The following ADAMTS17 variants were observed in gnomAD, a reference collection of about 807,000 sequenced individuals.
ADAMTS17 encodes the protein ADAM metallopeptidase with thrombospondin type 1 motif 17.
A neutral mutation model predicts 141.5 loss-of-function variants in ADAMTS17; 113 were observed. The ratio of observed to expected loss-of-function variants is 0.80; its 90% CI spans 0.69 to 0.93. The LOEUF is 0.93. ADAMTS17 is among the 40% of genes least tolerant of loss of function. ADAMTS17 has a pLI of 0.00. For missense variants in ADAMTS17, 1,659 were observed against 1,517.9 expected (o/e 1.09, Z -1.54); for synonymous variants, 768 against 630.6 (o/e 1.22, Z -3.27).
At chr15:100,011,204 G>A (rs112197173) in intron 18 of ADAMTS17, among the ~76,000 whole-genome samples, 177 of 132,206 alleles carry the variant, frequency 1.3e-3, no homozygotes, top group African/African-American at 4.9e-3. Flanking sequence ...ATGTTTTCCT[G>A]AAAAAATTCT....
intron 15 of ADAMTS17, among the ~76,000 whole-genome samples, chr15:100,082,766 C>CTT (rs71151935): frequency 0.17 from 20,490 of 122,854 alleles, 2,079 homozygotes; most frequent in East Asian, 0.52. Context: ...TCTCGTTAGT[C>CTT]TTTTTTTTTT....
intron 15 of ADAMTS17, among the ~76,000 whole-genome samples, chr15:100,062,554 G>A (rs1011695820): frequency 6.6e-6 from 1 of 152,150 alleles, no homozygotes; most frequent in Non-Finnish European, 1.5e-5. Flanking sequence ...CTCAAGCAGA[G>A]ACCATTTCAA....
chr15:100,290,497 G>GA (rs1423318621), intron 3 of ADAMTS17, among the ~76,000 whole-genome samples: 2 of 152,052 alleles, frequency 1.3e-5, no homozygotes, highest in East Asian at 3.8e-4. Context: ...CACAGGATTA[G>GA]AAAAAAACTA....
chr15:100,265,659 T>C (rs1232600813), intron 4 of ADAMTS17, among the ~76,000 whole-genome samples: 1 of 152,162 alleles, frequency 6.6e-6, no homozygotes, highest in Non-Finnish European at 1.5e-5. Flanking sequence ...CAGGCTGGGC[T>C]TCACAAGGGC....
chr15:100,159,470 T>C (rs745746457), intron 8 of ADAMTS17, among the ~76,000 whole-genome samples: 7 of 152,244 alleles, frequency 4.6e-5, no homozygotes, highest in Non-Finnish European at 1.0e-4. Flanking sequence ...GTCAACTATC[T>C]TAAATTTGAC....
At chr15:99,988,523 T>C (rs931891947) in intron 20 of ADAMTS17, among the ~76,000 whole-genome samples, 1 of 152,174 alleles carries the variant, frequency 6.6e-6, no homozygotes, top group East Asian at 1.9e-4. Context: ...TTCACAGCAA[T>C]GCAAAGTAGA....
Position 99,997,672 on chromosome 15 carries a change from T to C in ADAMTS17, c.2592-83A>G, listed in dbSNP as rs1471715234. The C allele has an allele frequency of 5.8e-6, 9 of 1,564,082 alleles. No individual in the cohort carries two copies. The highest frequency in any genetic ancestry group is 7.9e-6 in the Non-Finnish European group (9 of 1,141,622). The stretch of plus-strand genomic sequence containing the variant: ...AGGGCCTTCCGGCCGGATCCTGGAA[T>C]TGCTGCCCTGTGGTGGGAGAGAGGG... On this transcript the variant is annotated intron_variant, in intron 18 of 21. Transcript: ENST00000268070. The surrounding 1 kb of genome is among the most constrained non-coding windows in gnomAD (Gnocchi z 4.7).
intron 8 of ADAMTS17, among the ~76,000 whole-genome samples, chr15:100,189,475 C>T (rs530853339): frequency 6.6e-6 from 1 of 152,318 alleles, no homozygotes; most frequent in Non-Finnish European, 1.5e-5. Flanking sequence ...GCTTCACAGG[C>T]CCTTTATTAA....
chr15:99,985,421 C>T (rs2060565547), intron 20 of ADAMTS17, among the ~76,000 whole-genome samples: 1 of 152,206 alleles, frequency 6.6e-6, no homozygotes, highest in African/African-American at 2.4e-5. Flanking sequence ...AAGGACTCAA[C>T]TTTTACTTTC....
At chr15:100,116,023 C>T (rs781561853) in intron 13 of ADAMTS17, among the ~76,000 whole-genome samples, 4 of 149,820 alleles carry the variant, frequency 2.7e-5, no homozygotes, top group Admixed American at 6.7e-5. Flanking sequence ...TTAAATGAGA[C>T]GATGTATGTA....
At chr15:100,044,533 C>T (rs2031524300) in intron 18 of ADAMTS17, among the ~76,000 whole-genome samples, 1 of 152,152 alleles carries the variant, frequency 6.6e-6, no homozygotes, top group Non-Finnish European at 1.5e-5. Flanking sequence ...TTTGTTGCTT[C>T]TAAGATCTCC....
chr15:100,291,207 A>C (rs2044614406), intron 3 of ADAMTS17, among the ~76,000 whole-genome samples: 1 of 152,246 alleles, frequency 6.6e-6, no homozygotes, highest in African/African-American at 2.4e-5. Context: ...GATACTTTTC[A>C]AAAGAAGACA....
At chr15:100,221,806 T>G (rs12591128) in intron 7 of ADAMTS17, among the ~76,000 whole-genome samples, 41,550 of 152,134 alleles carry the variant, frequency 0.27, 5,814 homozygotes, top group East Asian at 0.34. Flanking sequence ...CAAGAACTTC[T>G]GCTCCTCTTA....
chr15:100,090,365 C>G (rs1162206280), intron 15 of ADAMTS17, among the ~76,000 whole-genome samples: 1 of 152,190 alleles, frequency 6.6e-6, no homozygotes, highest in Non-Finnish European at 1.5e-5. Flanking sequence ...TGTATGGAAA[C>G]TTTTGCAACT....
intron 12 of ADAMTS17, among the ~76,000 whole-genome samples, chr15:100,130,676 C>A (rs2037991953): frequency 6.6e-6 from 1 of 152,228 alleles, no homozygotes; most frequent in Admixed American, 6.5e-5. Context: ...GATTTTTAAA[C>A]ATAAGAGGCA....
intron 18 of ADAMTS17, among the ~76,000 whole-genome samples, chr15:100,042,989 T>C (rs1190322867): frequency 2.0e-5 from 3 of 152,346 alleles, no homozygotes; most frequent in South Asian, 2.1e-4. Flanking sequence ...TATGTATATA[T>C]GTATGTGTAT....
At chr15:100,081,136 G>A (rs2034708652) in intron 15 of ADAMTS17, among the ~76,000 whole-genome samples, 1 of 152,324 alleles carries the variant, frequency 6.6e-6, no homozygotes, top group African/African-American at 2.4e-5. Flanking sequence ...TCAGCTGCCA[G>A]CAAATACAAA....
At chr15:100,011,295 AGGGAG>A (rs1567674112) in intron 18 of ADAMTS17, among the ~76,000 whole-genome samples, 56 of 3,788 alleles carry the variant, frequency 0.015, no homozygotes, top group South Asian at 0.024. Flanking sequence ...GTAAAGGAGG[AGGGAG>A]GGGAGGGAAG....
At chr15:100,081,334 T>A (rs1342051102) in intron 15 of ADAMTS17, among the ~76,000 whole-genome samples, 2 of 152,176 alleles carry the variant, frequency 1.3e-5, no homozygotes, top group Non-Finnish European at 1.5e-5. Context: ...CGTAAGTTAA[T>A]ACTTAATAAA....
Sources: allele counts gnomAD v4.1 joint callset (sites outside exome capture counted in the v4.1 genomes callset), GRCh38; gene constraint gnomAD v4.1.1; non-coding constraint Gnocchi (gnomAD v3.1); transcripts MANE v1.5; gene names NCBI Gene and HGNC (gene_info 2026-07-23, HGNC 2026-07-21).